Variants in PBRM1 observed in about 807,000 individuals in gnomAD.
PBRM1 encodes protein polybromo-1.
A neutral mutation model predicts 194.5 loss-of-function variants in PBRM1; 27 were observed. The observed-to-expected ratio is 0.14, with a 90% CI of 0.10 to 0.19. The LOEUF (loss-of-function observed/expected upper bound fraction) is 0.19. PBRM1 is among the 10% of genes least tolerant of loss of function. The probability of loss-of-function intolerance (pLI) is 1.00; values close to 1 mark genes in which losing one functional copy is unlikely to be tolerated. For missense variants in PBRM1, 1,466 were observed against 2,077.2 expected (o/e 0.71, Z 5.72); for synonymous variants, 655 against 693.2 (o/e 0.94, Z 0.87).
At chr3:52,639,254 G>T (rs933997859) in intron 10 of PBRM1, among the ~76,000 whole-genome samples, 37 of 152,146 alleles carry the variant, frequency 2.4e-4, no homozygotes, top group Non-Finnish European at 1.9e-4. Flanking sequence ...GGGATTACAG[G>T]CGTGAGCCAC....
intron 22 of PBRM1, among the ~76,000 whole-genome samples, chr3:52,570,866 C>T (rs368135634): frequency 1.3e-5 from 2 of 150,574 alleles, no homozygotes; most frequent in East Asian, 3.9e-4. Flanking sequence ...CATGCGTGTG[C>T]AGGTGCCCTA....
At chr3:52,667,700 C>A (rs1191258066) in intron 3 of PBRM1, among the ~76,000 whole-genome samples, 1 of 144,478 alleles carries the variant, frequency 6.9e-6, no homozygotes, top group African/African-American at 2.6e-5. Flanking sequence ...TTGCAGTGAG[C>A]TGAGATCGTG....
chr3:52,586,549 C>T (rs1331392443), exon 20 of PBRM1: 1 of 1,613,982 alleles, frequency 6.2e-7, no homozygotes, highest in Non-Finnish European at 8.5e-7. Context: ...AGGCACATCC[C>T]GAGGGACAAA....
chr3:52,590,416 A>C (rs1386862820), intron 17 of PBRM1, among the ~76,000 whole-genome samples: 3 of 151,918 alleles, frequency 2.0e-5, no homozygotes, highest in East Asian at 3.9e-4. Context: ...AGATCAGGCC[A>C]CTGCACTCCA....
chr3:52,597,444 G>A (rs2093656755), intron 17 of PBRM1, among the ~76,000 whole-genome samples: 2 of 152,182 alleles, frequency 1.3e-5, no homozygotes, highest in Non-Finnish European at 2.9e-5. Flanking sequence ...GGTGAAAACT[G>A]TTATCTAGCA....
exon 4 of PBRM1, chr3:52,662,184 G>A (rs762326260): frequency 1.5e-5 from 25 of 1,613,554 alleles, no homozygotes; most frequent in African/African-American, 1.3e-4. Context: ...CATCATCTTC[G>A]TCATCTGCTT....
intron 22 of PBRM1, among the ~76,000 whole-genome samples, chr3:52,572,060 T>C (rs2087547524): frequency 6.6e-6 from 1 of 151,310 alleles, no homozygotes; most frequent in African/African-American, 2.4e-5. Flanking sequence ...AAAAACTTCA[T>C]ATTTTCATTT....
intron 2 of PBRM1, among the ~76,000 whole-genome samples, chr3:52,669,978 T>A (rs1397786741): frequency 6.6e-6 from 1 of 152,184 alleles, no homozygotes; most frequent in Non-Finnish European, 1.5e-5. Context: ...ATGTTGTCAG[T>A]GGTATCAAGG....
Position 52,564,035 on chromosome 3 carries a change from T to A in PBRM1, c.3875+15A>T, listed in dbSNP as rs773343832. The A allele has an allele frequency of 7.6e-6, 12 of 1,585,526 alleles. No homozygotes were observed. Among genetic ancestry groups the A allele is most frequent in the Non-Finnish European group, 1.0e-5 (12 of 1,162,288 alleles). On this transcript the variant is annotated intron_variant, in intron 23 of 29. Coordinates refer to ENST00000296302, the Ensembl canonical transcript of PBRM1. Reference sequence around the variant, plus strand: ...ATGGAAGTGCTCTTTTTTCCTTAAGTTTTTCAAGCTTTACCTGAAGTAGTA... The same window carrying A: ...ATGGAAGTGCTCTTTTTTCCTTAAGATTTTCAAGCTTTACCTGAAGTAGTA...
At chr3:52,669,044 A>G (rs2096897129) in intron 2 of PBRM1, among the ~76,000 whole-genome samples, 1 of 152,206 alleles carries the variant, frequency 6.6e-6, no homozygotes, top group Non-Finnish European at 1.5e-5. Context: ...CTCTTTATAA[A>G]CTTACAAAAC....
At chr3:52,657,860 T>C (rs1185917885) in intron 5 of PBRM1, among the ~76,000 whole-genome samples, 1 of 150,610 alleles carries the variant, frequency 6.6e-6, no homozygotes, top group Non-Finnish European at 1.5e-5. Flanking sequence ...CAATCTTGGC[T>C]CACCCACTGC....
intron 20 of PBRM1, 165 bp from the exon 23 acceptor site, chr3:52,579,364 T>C (rs2090503591): frequency 3.2e-6 from 2 of 626,330 alleles, no homozygotes; most frequent in Admixed American, 5.6e-5. Context: ...GGCAGGACGA[T>C]CGCTTGAGCC....
intron 3 of PBRM1, among the ~76,000 whole-genome samples, chr3:52,663,374 C>T (rs1481291203): frequency 6.6e-6 from 1 of 152,204 alleles, no homozygotes; most frequent in East Asian, 1.9e-4. Context: ...AGGACGACTG[C>T]CCATCTCAAC....
intron 22 of PBRM1, among the ~76,000 whole-genome samples, chr3:52,569,309 C>T (rs2153580653): frequency 6.6e-6 from 1 of 151,808 alleles, no homozygotes; most frequent in East Asian, 1.9e-4. Context: ...CTCCCCGGTT[C>T]ACCCCCTTCT....
At chr3:52,564,422 CTT>C (rs1393136341) in intron 22 of PBRM1, among the ~76,000 whole-genome samples, 189 bp from the exon 25 acceptor site, 3 of 152,126 alleles carry the variant, frequency 2.0e-5, no homozygotes, top group Non-Finnish European at 4.4e-5. Context: ...GGGCAGATCT[CTT>C]GAGCTCAGGA....
At chr3:52,649,409 T>C (rs2096426092) in intron 6 of PBRM1, among the ~76,000 whole-genome samples, 1 of 152,012 alleles carries the variant, frequency 6.6e-6, no homozygotes, top group South Asian at 2.1e-4. Context: ...CTGACTCCTG[T>C]AGAGGAGGAG....
chr3:52,622,916 G>C (rs1032966238), intron 13 of PBRM1, among the ~76,000 whole-genome samples: 17 of 152,072 alleles, frequency 1.1e-4, no homozygotes, highest in Admixed American at 1.1e-3. Flanking sequence ...GTAAACTATA[G>C]CTACTAATAC....
intron 22 of PBRM1, among the ~76,000 whole-genome samples, chr3:52,567,261 ATC>A (rs2085547527): frequency 6.6e-6 from 1 of 152,082 alleles, no homozygotes; most frequent in East Asian, 1.9e-4. Flanking sequence ...ATTGATGGGT[ATC>A]TATGTTGTTT....
chr3:52,594,254 G>A (rs1292245407), intron 17 of PBRM1, among the ~76,000 whole-genome samples: 1 of 152,144 alleles, frequency 6.6e-6, no homozygotes, highest in Non-Finnish European at 1.5e-5. Context: ...ATGAGTCTGG[G>A]TGCTCCTGTA....
Sources: allele counts gnomAD v4.1 joint callset (sites outside exome capture counted in the v4.1 genomes callset), GRCh38; gene constraint gnomAD v4.1.1; transcripts MANE v1.5; gene names NCBI Gene and HGNC (gene_info 2026-07-23, HGNC 2026-07-21).